Variants in CTNND2 observed in about 807,000 individuals in gnomAD.
CTNND2 encodes the protein catenin delta-2.
Under a neutral mutation model 144.4 loss-of-function variants are expected in CTNND2, and 22 were observed. The observed-to-expected ratio is 0.15, with a 90% CI of 0.11 to 0.22. CTNND2 has a LOEUF of 0.22. Ranked by LOEUF, CTNND2 falls within the 10% of genes least tolerant of loss-of-function variation. CTNND2 has a pLI of 1.00. For missense variants in CTNND2, 1,353 were observed against 1,618.8 expected (o/e 0.84, Z 2.82); for synonymous variants, 751 against 695.6 (o/e 1.08, Z -1.25).
chr5:10,991,801 G>T (rs1211743746), intron 19 of CTNND2, among the ~76,000 whole-genome samples: 2 of 152,250 alleles, frequency 1.3e-5, no homozygotes, highest in Admixed American at 1.3e-4. Flanking sequence ...GAACAGTTAT[G>T]AAAGCATCAG....
chr5:11,017,651 T>C (rs562549389), intron 18 of CTNND2, among the ~76,000 whole-genome samples: 1 of 149,756 alleles, frequency 6.7e-6, no homozygotes, highest in African/African-American at 2.4e-5. Flanking sequence ...CATTTGTTGA[T>C]TTTTTTTTCC....
chr5:11,054,599 C>T (rs566432496), intron 16 of CTNND2, among the ~76,000 whole-genome samples: 1 of 152,016 alleles, frequency 6.6e-6, no homozygotes, highest in African/African-American at 2.4e-5. Flanking sequence ...TGCCTCCCAT[C>T]GTTCATCATC....
chr5:11,527,956 G>T (rs1386613355), intron 3 of CTNND2, among the ~76,000 whole-genome samples: 1 of 152,140 alleles, frequency 6.6e-6, no homozygotes, highest in Admixed American at 6.5e-5. Context: ...GATTTAAACA[G>T]ATTTCTTTGG....
At chr5:11,046,265 G>A (rs1056673587) in intron 16 of CTNND2, among the ~76,000 whole-genome samples, 1 of 152,162 alleles carries the variant, frequency 6.6e-6, no homozygotes, top group Non-Finnish European at 1.5e-5. Context: ...TGGATCCAGA[G>A]ATAGATGCAC....
At position 11,397,143 on chromosome 5, in the gene CTNND2, T is replaced by C; in HGVS notation, c.500A>G (p.Gln167Arg). The C allele has an allele frequency of 2.5e-6, 4 of 1,614,218 alleles. No homozygotes were observed. Among genetic ancestry groups the C allele is most frequent in the African/African-American group, 2.7e-5 (2 of 75,070 alleles). ...QLNSKPEGSF[Q>R]YPASYHSNQT... The stretch of plus-strand genomic sequence containing the variant: ...GTTGCTATGGTAGCTGGCCGGATAC[T>C]GGAAAGACCCTTCAGGTTTGGAATT... Residue 167 changes from glutamine (Q) to arginine (R), a missense_variant, in exon 6 of 22, where the codon CAG (glutamine) becomes CGG (arginine). By Grantham distance (43) the Gln-to-Arg change is conservative. Coordinates refer to ENST00000304623, the MANE Select transcript of CTNND2 (RefSeq NM_001332.4).
chr5:11,111,197 G>T, intron 13 of CTNND2, among the ~76,000 whole-genome samples, 154 bp from the exon 14 acceptor site: 1 of 152,156 alleles, frequency 6.6e-6, no homozygotes, highest in East Asian at 1.9e-4. Context: ...GGCCACAGTG[G>T]AAAACAATTG....
At chr5:11,841,617 G>A (rs983952754) in intron 1 of CTNND2, among the ~76,000 whole-genome samples, 2 of 152,104 alleles carry the variant, frequency 1.3e-5, no homozygotes, top group African/African-American at 2.4e-5. Context: ...GAGAAATGAA[G>A]CAGGCCAGGA....
chr5:11,611,988 G>T (rs1780354728), intron 2 of CTNND2, among the ~76,000 whole-genome samples: 1 of 152,038 alleles, frequency 6.6e-6, no homozygotes, highest in Non-Finnish European at 1.5e-5. Flanking sequence ...AAGTGATCAA[G>T]AAATATTTGA....
At chr5:11,411,958 T>A in intron 4 of CTNND2, 77 bp downstream of exon 4, 1 of 1,181,486 alleles carries the variant, frequency 8.5e-7, no homozygotes, top group Non-Finnish European at 1.3e-6. Flanking sequence ...CTAAGTCTCA[T>A]TCTAAAGTTC....
At position 11,853,376 on chromosome 5, in the gene CTNND2, C is replaced by T. The variant is rs573912266; in HGVS notation, c.37+50441G>A. Among the ~76,000 whole-genome samples the T allele has an allele frequency of 1.1e-4, 16 of 152,286 alleles. No homozygotes were observed. The East Asian group carries it at 3.1e-3, about 29-fold the overall frequency. On this transcript the variant is annotated intron_variant, in intron 1 of 21. Coordinates refer to ENST00000304623, the MANE Select transcript of CTNND2 (RefSeq NM_001332.4). ...TGGCCACTTCTCCCTCTTCTGTTGT[C>T]TCCCCCTCTCCCTGGCATCCCAATC...
Position 11,271,301 on chromosome 5 carries a change from T to G in CTNND2, c.1629-34478A>C, listed in dbSNP as rs140579763. Among the ~76,000 whole-genome samples, 17 of 152,292 alleles carry G rather than the reference T, an allele frequency of 1.1e-4. 1 individual carries two copies. The highest frequency in any genetic ancestry group is 5.9e-4 in the Admixed American group (9 of 15,296). Reference sequence around the variant, plus strand: ...AAATGACTATCAAACATATGTGCATTTATAAATTAATGTATGAGAACTAGA... The same window carrying G: ...AAATGACTATCAAACATATGTGCATGTATAAATTAATGTATGAGAACTAGA... On this transcript the variant is annotated intron_variant, in intron 9 of 21. Transcript: ENST00000304623.
intron 2 of CTNND2, among the ~76,000 whole-genome samples, chr5:11,633,490 T>C (rs2126475647): frequency 6.6e-6 from 1 of 152,288 alleles, no homozygotes; most frequent in African/African-American, 2.4e-5. Context: ...TTTAAAATAT[T>C]AGATAGGCCA....
At chr5:11,032,413 A>G (rs1389045002) in intron 16 of CTNND2, among the ~76,000 whole-genome samples, 1 of 152,242 alleles carries the variant, frequency 6.6e-6, no homozygotes, top group African/African-American at 2.4e-5. Context: ...CACTATAAAT[A>G]TATCTAATTT....
intron 2 of CTNND2, among the ~76,000 whole-genome samples, chr5:11,708,227 T>A (rs1156912909): frequency 6.7e-6 from 1 of 148,642 alleles, no homozygotes; most frequent in Non-Finnish European, 1.5e-5. Flanking sequence ...GATGATTTTT[T>A]AAACTTAAAT....
At chr5:11,430,923 A>G (rs1482918469) in intron 3 of CTNND2, among the ~76,000 whole-genome samples, 2 of 152,238 alleles carry the variant, frequency 1.3e-5, no homozygotes, top group East Asian at 3.8e-4. Context: ...TCGAGAACCC[A>G]TCAGGCTAAA....
chr5:11,768,501 G>T (rs1286176518), intron 1 of CTNND2, among the ~76,000 whole-genome samples: 1 of 152,154 alleles, frequency 6.6e-6, no homozygotes, highest in African/African-American at 2.4e-5. Context: ...CTGTTGGCCA[G>T]GCTGGCCTTA....
intron 1 of CTNND2, among the ~76,000 whole-genome samples, chr5:11,819,508 A>G (rs1304941821): frequency 6.6e-6 from 1 of 152,118 alleles, no homozygotes; most frequent in East Asian, 1.9e-4. Context: ...AACCTTAAGT[A>G]ATTTTCTTTC....
At chr5:11,402,333 T>C (rs1397848430) in intron 5 of CTNND2, among the ~76,000 whole-genome samples, 2 of 152,210 alleles carry the variant, frequency 1.3e-5, no homozygotes, top group East Asian at 3.8e-4. Flanking sequence ...AAACAGATGG[T>C]AGAACTTACA....
At chr5:11,377,932 C>T (rs1048247541) in intron 7 of CTNND2, among the ~76,000 whole-genome samples, 1 of 152,020 alleles carries the variant, frequency 6.6e-6, no homozygotes, top group African/African-American at 2.4e-5. Flanking sequence ...AGTTCTGGAC[C>T]CGTAGGCAGA....
Sources: allele counts gnomAD v4.1 joint callset (sites outside exome capture counted in the v4.1 genomes callset), GRCh38; gene constraint gnomAD v4.1.1; transcripts MANE v1.5; gene names NCBI Gene and HGNC (gene_info 2026-07-23, HGNC 2026-07-21).